The following SEL1L variants were observed in gnomAD, a reference collection of about 807,000 sequenced individuals.
SEL1L encodes protein sel-1 homolog 1.
Under a neutral mutation model 109.8 loss-of-function variants are expected in SEL1L, and 52 were observed. The observed-to-expected ratio is 0.47, with a 90% CI of 0.38 to 0.60. The LOEUF is 0.60. Among genes scored for constraint, SEL1L ranks in the 20% least tolerant of loss-of-function variants. SEL1L has a pLI of 0.00. For synonymous variants in SEL1L, 373 were observed against 339.6 expected (o/e 1.10, Z -1.08); for missense variants, 749 against 962.2 (o/e 0.78, Z 2.93).
chr14:81,531,697 C>T (rs1487739181), intron 1 of SEL1L, among the ~76,000 whole-genome samples: 3 of 152,112 alleles, frequency 2.0e-5, no homozygotes, highest in East Asian at 1.9e-4. Flanking sequence ...TGGAACTACA[C>T]GTGTGCACCA....
At chr14:81,495,660 G>A (rs1883716528) in intron 10 of SEL1L, among the ~76,000 whole-genome samples, 1 of 151,950 alleles carries the variant, frequency 6.6e-6, no homozygotes, top group Admixed American at 6.6e-5. Flanking sequence ...AACGGGCTAG[G>A]CACGATGGGC....
intron 19 of SEL1L, among the ~76,000 whole-genome samples, chr14:81,481,258 T>C (rs1039770483): frequency 2.0e-5 from 3 of 152,146 alleles, no homozygotes; most frequent in African/African-American, 7.2e-5. Context: ...TATCAAAGAA[T>C]ACCAAACTCT....
intron 19 of SEL1L, among the ~76,000 whole-genome samples, chr14:81,481,100 T>C (rs1428638240): frequency 6.6e-6 from 1 of 152,220 alleles, no homozygotes; most frequent in African/African-American, 2.4e-5. Context: ...TTAGGGCATC[T>C]TGTGTTTCCC....
At chr14:81,491,615 T>G (rs1883539067) in intron 12 of SEL1L, among the ~76,000 whole-genome samples, 1 of 152,226 alleles carries the variant, frequency 6.6e-6, no homozygotes, top group Non-Finnish European at 1.5e-5. Flanking sequence ...TTGTGATATA[T>G]TCCATCTAAA....
rs1230920063 is a variant in SEL1L, at chr14:81,474,564, T to G, written c.*2408A>C. ...GTCATTTTATTCAAATGGATGCCAT[T>G]TGATTAGGTAAGTATTGAGCATTAT... On this transcript the variant is annotated 3_prime_UTR_variant, in exon 21 of 21. Coordinates refer to ENST00000336735, the MANE Select transcript of SEL1L (RefSeq NM_005065.6). 3 of 152,188 alleles carry G rather than the reference T, an allele frequency of 2.0e-5. No individual in the cohort carries two copies. The highest frequency in any genetic ancestry group is 7.2e-5 in the African/African-American group (3 of 41,444). The allele number at this position is 152,188 out of a possible 1,614,324, so 9.4% of individuals were successfully genotyped here. A position where few individuals can be genotyped will look rare whatever the true frequency, so the allele number is the denominator to read the frequency against.
At position 81,486,381 on chromosome 14, in the gene SEL1L, C is replaced by A; in HGVS notation, c.1706G>T (p.Gly569Val). The change falls in exon 17 of 21, where the codon GGC becomes GTC. Residue 569 changes from glycine to valine, a missense_variant. Physicochemically the swap from Gly to Val is moderately radical, Grantham distance 109. Around this residue, in one of 2 missense-constraint regions of SEL1L, gnomAD observed 383 missense variants for 562.5 expected, o/e 0.68. Transcript: ENST00000336735. Reference sequence around the variant, plus strand: ...CTGGATCACTGCAGCATTGTAATCGCCATCTTTATAGCTGTTATAGGCAGT... The same window carrying A: ...CTGGATCACTGCAGCATTGTAATCGACATCTTTATAGCTGTTATAGGCAGT... ...LMTAYNSYKD[G>V]DYNAAVIQYL... is the part of the protein sequence containing the mutation. The A allele has an allele frequency of 6.2e-7, 1 of 1,614,110 alleles. No individual in the cohort carries two copies. The highest frequency in any genetic ancestry group is 1.3e-5 in the African/African-American group (1 of 75,028).
intron 11 of SEL1L, among the ~76,000 whole-genome samples, chr14:81,493,267 T>C (rs888524684): frequency 6.6e-6 from 1 of 152,238 alleles, no homozygotes; most frequent in East Asian, 1.9e-4. Flanking sequence ...CCCTGCACTT[T>C]GGGAGGCCAA....
rs1043858083 is a variant in SEL1L at position 81,474,973 on chromosome 14, G to A, written c.*1999C>T. On this transcript the variant is annotated 3_prime_UTR_variant, in exon 21 of 21. Transcript: ENST00000336735. ...AGTTAGATATAAAAATCTTGCTAAAGGAAAAATGAGGGTGGATGGCAGAAG... is the reference window on the plus strand; with the variant it reads ...AGTTAGATATAAAAATCTTGCTAAAAGAAAAATGAGGGTGGATGGCAGAAG... The A allele has an allele frequency of 5.3e-5, 8 of 152,178 alleles. No individual in the cohort carries two copies. Among genetic ancestry groups the A allele is most frequent in the Non-Finnish European group, 7.3e-5 (5 of 68,028 alleles). The allele number at this position is 152,178 out of a possible 1,614,324, so 9.4% of individuals were successfully genotyped here.
At chr14:81,490,285 T>C in intron 13 of SEL1L, 103 bp downstream of exon 13, 1 of 814,524 alleles carries the variant, frequency 1.2e-6, no homozygotes, top group Non-Finnish European at 2.0e-6. Flanking sequence ...TTCAATAATG[T>C]ATAGCATGAG....
In SEL1L at chr14:81,492,282, C is replaced by T. The variant is rs190334609; in HGVS notation, c.1254+198G>A. ...CTGGGATTACAGGCGTGAGCCACCGCGCCTGGCTGCAAACACTATGTTATA... is the reference window on the plus strand; with the variant it reads ...CTGGGATTACAGGCGTGAGCCACCGTGCCTGGCTGCAAACACTATGTTATA... On this transcript the variant is annotated intron_variant, in intron 12 of 20. Coordinates refer to ENST00000336735, the MANE Select transcript of SEL1L (RefSeq NM_005065.6). 3.1e-3 allele frequency among the ~76,000 whole-genome samples: 474 copies of T among 152,252 alleles called. 1 individual carries two copies. The highest frequency in any genetic ancestry group is 7.5e-3 in the Admixed American group (115 of 15,282).
intron 12 of SEL1L, among the ~76,000 whole-genome samples, chr14:81,491,559 T>C (rs1883537389): frequency 1.3e-5 from 2 of 152,210 alleles, no homozygotes; most frequent in Admixed American, 1.3e-4. Flanking sequence ...ATTACTAGTA[T>C]GATCATGAGG....
chr14:81,497,971 C>G lies in SEL1L; in HGVS notation c.1049G>C (p.Gly350Ala), dbSNP rs1050255446. ...TTCTTCTAGCATTCCACTGTTCATT[C>G]CTGGATTTTCCACTTCATCAGGCAG... The part of the protein sequence containing the change: ...IRLPDEVENP[G>A]MNSGMLEEDL... Residue 350 changes from glycine (G) to alanine (A), a missense_variant, in exon 10 of 21, where the codon GGA (glycine) becomes GCA (alanine). Physicochemically the swap from Gly to Ala is moderately conservative, Grantham distance 60. Coordinates refer to ENST00000336735, the MANE Select transcript of SEL1L (RefSeq NM_005065.6). 3 of 1,614,022 alleles carry G rather than the reference C, an allele frequency of 1.9e-6. No homozygotes were observed. Among genetic ancestry groups the G allele is most frequent in the Non-Finnish European group, 2.5e-6 (3 of 1,179,926 alleles).
chr14:81,508,574 C>G (rs1396604942), intron 3 of SEL1L, among the ~76,000 whole-genome samples: 1 of 152,118 alleles, frequency 6.6e-6, no homozygotes, highest in African/African-American at 2.4e-5. Flanking sequence ...TGGTGAAACT[C>G]TGTCTCTACT....
intron 1 of SEL1L, among the ~76,000 whole-genome samples, chr14:81,530,245 T>C (rs78139975): frequency 0.012 from 1,892 of 152,344 alleles, 16 homozygotes; most frequent in Non-Finnish European, 0.021. Flanking sequence ...TAGCTCTAAA[T>C]TGGTACAGAT....
In SEL1L at chr14:81,475,855, C is replaced by A. The variant is rs1272512622; in HGVS notation, c.*1117G>T. Reference sequence around the variant, plus strand: ...TAAAACTATCAGAAATAAAAAGATACCTGAATAGTATAGAACAGTACAAAC... The same window carrying A: ...TAAAACTATCAGAAATAAAAAGATAACTGAATAGTATAGAACAGTACAAAC... On this transcript the variant is annotated 3_prime_UTR_variant, in exon 21 of 21. Coordinates refer to ENST00000336735, the MANE Select transcript of SEL1L (RefSeq NM_005065.6). The A allele has an allele frequency of 6.6e-6, 1 of 152,164 alleles. No homozygotes were observed. Among genetic ancestry groups the A allele is most frequent in the Middle Eastern group, 3.4e-3 (1 of 294 alleles). 9.4% of individuals were successfully genotyped at this position (152,164 alleles called of 1,614,324 possible). A position where few individuals can be genotyped will look rare whatever the true frequency, so the allele number is the denominator to read the frequency against.
chr14:81,516,783 G>A lies in SEL1L; in HGVS notation c.340+9950C>T, dbSNP rs189527289. On this transcript the variant is annotated intron_variant, in intron 3 of 20. Transcript: ENST00000336735. Reference sequence around the variant, plus strand: ...CCCTGGTAGACAACATTTCACATGCGTTGTTACAATTTGCCGCTGGGGTAA... The same window carrying A: ...CCCTGGTAGACAACATTTCACATGCATTGTTACAATTTGCCGCTGGGGTAA... 1.8e-3 allele frequency among the ~76,000 whole-genome samples: 279 copies of A among 152,222 alleles called. 1 individual carries two copies. Among genetic ancestry groups the A allele is most frequent in the East Asian group, 0.016 (83 of 5,172 alleles).
intron 3 of SEL1L, among the ~76,000 whole-genome samples, chr14:81,510,033 G>C (rs944111935): frequency 6.6e-6 from 1 of 152,214 alleles, no homozygotes; most frequent in African/African-American, 2.4e-5. Flanking sequence ...AGTGAAGCCA[G>C]GGAAGAGGAT....
intron 1 of SEL1L, among the ~76,000 whole-genome samples, 199 bp from the exon 2 acceptor site, chr14:81,527,937 T>TA (rs1337557439): frequency 2.6e-5 from 4 of 152,162 alleles, no homozygotes; most frequent in Non-Finnish European, 5.9e-5. Context: ...GTTGGGGGTT[T>TA]AGTTTCTCTC....
rs1295894008 is a variant in SEL1L, at chr14:81,475,490, CTT to C, written c.*1480_*1481del. On this transcript the variant is annotated 3_prime_UTR_variant, in exon 21 of 21. Coordinates refer to ENST00000336735, the MANE Select transcript of SEL1L (RefSeq NM_005065.6). Reference sequence around the variant, plus strand: ...GCAGTACAACTCTACAAGCAATAAACTTTTCAAGTTTTCTGGCAGATGAGGGA... The same window carrying C: ...GCAGTACAACTCTACAAGCAATAAACTTCAAGTTTTCTGGCAGATGAGGGA... The C allele has an allele frequency of 6.6e-6, 1 of 152,350 alleles. No homozygotes were observed. 9.4% of individuals were successfully genotyped at this position (152,350 alleles called of 1,614,324 possible). A position where few individuals can be genotyped will look rare whatever the true frequency, so the allele number is the denominator to read the frequency against.
Sources: gnomAD v4.1 joint callset for allele counts (sites outside exome capture counted in the v4.1 genomes callset) on GRCh38, gnomAD v4.1.1 for gene constraint, gnomAD v4.1.1 regional missense constraint, MANE v1.5 for transcripts, NCBI Gene and HGNC (gene_info 2026-07-23, HGNC 2026-07-21) for gene names.